Variants in OPCML observed in about 807,000 individuals in gnomAD.
The protein encoded by OPCML is opioid binding protein/cell adhesion molecule like, also known as opioid-binding protein/cell adhesion molecule.
A neutral mutation model predicts 37.8 loss-of-function variants in OPCML; 13 were observed. The observed-to-expected ratio is 0.34, with a 90% CI of 0.22 to 0.55. The LOEUF (loss-of-function observed/expected upper bound fraction) is 0.55, where lower values mean the gene tolerates loss of function less well. OPCML is among the 20% of genes least tolerant of loss of function. The pLI is 0.91. For synonymous variants in OPCML, 176 were observed against 168.8 expected, an observed-to-expected ratio of 1.04 and a Z score of -0.33; for missense variants, 341 against 435.6, an observed-to-expected ratio of 0.78 and a Z score of 1.93.
At chr11:133,314,192 G>T (rs1235300240) in intron 1 of OPCML, among the ~76,000 whole-genome samples, 1 of 126,054 alleles carries the variant, frequency 7.9e-6, no homozygotes, top group Admixed American at 1.0e-4. Context: ...CCGAGATCGC[G>T]CCACTGCACT....
chr11:132,825,942 C>A (rs868039007), intron 2 of OPCML, among the ~76,000 whole-genome samples: 18 of 152,152 alleles, frequency 1.2e-4, no homozygotes, highest in African/African-American at 4.3e-4. Flanking sequence ...GTGTTTTTCT[C>A]TTTGTCCATG....
intron 7 of OPCML, chr11:132,435,129 C>A: frequency 8.2e-7 from 1 of 1,221,350 alleles, no homozygotes; most frequent in Non-Finnish European, 1.1e-6. Context: ...TTCAGGCAGG[C>A]AGAGGTAGGA....
At chr11:133,433,335 T>C (rs768671564) in intron 1 of OPCML, among the ~76,000 whole-genome samples, 1 of 152,118 alleles carries the variant, frequency 6.6e-6, no homozygotes, top group Admixed American at 6.5e-5. Flanking sequence ...TTTTTATTTC[T>C]TTGCGCATAA....
intron 1 of OPCML, among the ~76,000 whole-genome samples, chr11:133,189,593 C>A (rs922449028): frequency 5.3e-5 from 8 of 152,128 alleles, no homozygotes. Context: ...AATAAGAGTC[C>A]TTCAGGAGAT....
intron 1 of OPCML, among the ~76,000 whole-genome samples, chr11:133,469,922 A>G (rs1164205711): frequency 1.3e-5 from 2 of 152,250 alleles, no homozygotes; most frequent in Non-Finnish European, 2.9e-5. Flanking sequence ...TAAGTTCACA[A>G]TAATCTCTGC....
chr11:132,758,715 T>A (rs530303007), intron 2 of OPCML, among the ~76,000 whole-genome samples: 1 of 152,296 alleles, frequency 6.6e-6, no homozygotes, highest in South Asian at 2.1e-4. Flanking sequence ...AACAATGGTG[T>A]TTTCTAAATA....
chr11:133,348,383 C>T (rs755820339), intron 1 of OPCML, among the ~76,000 whole-genome samples: 30 of 152,160 alleles, frequency 2.0e-4, no homozygotes, highest in Non-Finnish European at 3.2e-4. Context: ...GCAGGTGCTG[C>T]GTAAATGTTT....
At chr11:132,745,649 G>T (rs963569574) in intron 2 of OPCML, among the ~76,000 whole-genome samples, 1 of 151,800 alleles carries the variant, frequency 6.6e-6, no homozygotes, top group Non-Finnish European at 1.5e-5. Context: ...TTTCTTGAGG[G>T]TTTTTCTCCA....
At chr11:132,794,423 T>C (rs2136187766) in intron 2 of OPCML, among the ~76,000 whole-genome samples, 1 of 152,342 alleles carries the variant, frequency 6.6e-6, no homozygotes, top group Admixed American at 6.5e-5. Flanking sequence ...AGTTAAAATA[T>C]ATGTTATGTT....
In OPCML at chr11:132,505,012, G is replaced by T. The variant is rs115866040; in HGVS notation, c.505+24049C>A. 4.0e-3 allele frequency among the ~76,000 whole-genome samples: 611 copies of T among 152,150 alleles called. 8 individuals are homozygous for T. The highest frequency in any genetic ancestry group is 0.014 in the African/African-American group (587 of 41,504). ...ATTCAAATTCTTCAACCATTACCAT[G>T]CATCAGAGATCTCAGAGGACAAGAA... On this transcript the variant is annotated intron_variant, in intron 4 of 7. Transcript: ENST00000524381.
At chr11:133,176,424 C>G (rs1950376134) in intron 1 of OPCML, among the ~76,000 whole-genome samples, 1 of 150,840 alleles carries the variant, frequency 6.6e-6, no homozygotes, top group South Asian at 2.1e-4. Flanking sequence ...GATATTTGTC[C>G]CCCAAATCTT....
At chr11:133,188,264 C>T (rs1283200640) in intron 1 of OPCML, among the ~76,000 whole-genome samples, 1 of 152,204 alleles carries the variant, frequency 6.6e-6, no homozygotes, top group Non-Finnish European at 1.5e-5. Flanking sequence ...GGGCCTCATG[C>T]TACCTCCAGG....
intron 2 of OPCML, among the ~76,000 whole-genome samples, chr11:132,873,078 T>C (rs897661208): frequency 1.3e-5 from 2 of 152,178 alleles, no homozygotes; most frequent in South Asian, 2.1e-4. Context: ...CTCACTGCCC[T>C]GTGGAAGCTG....
At chr11:133,110,097 G>A (rs1042970327) in intron 1 of OPCML, among the ~76,000 whole-genome samples, 1 of 152,152 alleles carries the variant, frequency 6.6e-6, no homozygotes, top group African/African-American at 2.4e-5. Context: ...GGACAACCCT[G>A]TACCTATAAA....
rs1270193921 is a variant in OPCML, at chr11:132,807,421, T to TAACTAAAAATCAACTAAATCA, written c.146+135504_146+135505insTGATTTAGTTGATTTTTAGTT. On this transcript the variant is annotated intron_variant, in intron 2 of 7. Transcript: ENST00000524381. Reference sequence around the variant, plus strand: ...CCCATGAACTTGACAACTCTGATATTACTAAAAATCAAAAAGTTCCTTGAG... The same window carrying TAACTAAAAATCAACTAAATCA: ...CCCATGAACTTGACAACTCTGATATTAACTAAAAATCAACTAAATCAACTAAAAATCAAAAAGTTCCTTGAG... 1.2e-4 allele frequency among the ~76,000 whole-genome samples: 18 copies of TAACTAAAAATCAACTAAATCA among 152,290 alleles called. No homozygotes were observed. In the East Asian group the frequency reaches 3.5e-3, roughly 29 times the overall value.
At chr11:132,423,078 A>C (rs2095965582) in intron 7 of OPCML, among the ~76,000 whole-genome samples, 1 of 152,206 alleles carries the variant, frequency 6.6e-6, no homozygotes. Flanking sequence ...ATAGTTGGTG[A>C]GTAGCCAGAC....
chr11:133,525,011 C>T (rs1401422287), intron 1 of OPCML, among the ~76,000 whole-genome samples: 1 of 152,198 alleles, frequency 6.6e-6, no homozygotes, highest in Non-Finnish European at 1.5e-5. Context: ...CTCTCCCACC[C>T]GTGCTAGGCA....
chr11:133,379,736 G>A (rs1406042038), intron 1 of OPCML, among the ~76,000 whole-genome samples: 3 of 152,132 alleles, frequency 2.0e-5, no homozygotes, highest in African/African-American at 7.2e-5. Context: ...ATGTTCTATG[G>A]TCAAATGATT....
intron 3 of OPCML, among the ~76,000 whole-genome samples, chr11:132,567,075 A>C (rs562026993): frequency 1.3e-5 from 2 of 152,260 alleles, no homozygotes; most frequent in South Asian, 4.1e-4. Context: ...TACAGGCAGA[A>C]ACAGAGTGGC....
Sources: gnomAD v4.1 joint callset for allele counts (sites outside exome capture counted in the v4.1 genomes callset) on GRCh38, gnomAD v4.1.1 for gene constraint, MANE v1.5 for transcripts, NCBI Gene and HGNC (gene_info 2026-07-23, HGNC 2026-07-21) for gene names.